The following GPR160 variants were observed in gnomAD, a reference collection of about 807,000 sequenced individuals.
The protein encoded by GPR160 is probable G protein-coupled receptor 160.
A neutral mutation model predicts 2.6 loss-of-function variants in GPR160; 2 were observed. The ratio of observed to expected loss-of-function variants is 0.77; its 90% CI spans 0.32 to 2.44. The LOEUF is 2.44. Ranked by LOEUF, GPR160 falls within the 30% of genes most tolerant of loss-of-function variation. The probability of loss-of-function intolerance (pLI) is 0.11; values close to 1 mark genes in which losing one functional copy is unlikely to be tolerated. For missense variants in GPR160, 351 were observed against 383.6 expected, an observed-to-expected ratio of 0.91 and a Z score of 0.71; for synonymous variants, 130 against 132.2, an observed-to-expected ratio of 0.98 and a Z score of 0.12.
chr3:170,055,639 C>CT (rs34774096), intron 2 of GPR160, among the ~76,000 whole-genome samples: 1,953 of 148,990 alleles, frequency 0.013, 18 homozygotes, highest in Middle Eastern at 0.028. Flanking sequence ...CTTTTAAAAA[C>CT]TTTTTTTTTT....
chr3:170,074,946 C>T lies in GPR160; in HGVS notation c.-192-4828C>T, dbSNP rs116503807. Among the ~76,000 whole-genome samples the T allele has an allele frequency of 2.9e-3, 438 of 152,046 alleles. 3 individuals are homozygous for T. The highest frequency in any genetic ancestry group is 0.01 in the African/African-American group (421 of 41,480). ...CAAATATAAGAATATCAGAAGAGGG[C>T]CGGGTGCAGTGGCTCACACCTGTAA... is the stretch of plus-strand genomic sequence containing the variant. On this transcript the variant is annotated intron_variant, in intron 2 of 3. Coordinates refer to ENST00000355897, the MANE Select transcript of GPR160 (RefSeq NM_014373.3).
intron 2 of GPR160, among the ~76,000 whole-genome samples, chr3:170,071,440 G>T (rs571543016): frequency 6.6e-6 from 1 of 152,286 alleles, no homozygotes; most frequent in Admixed American, 6.5e-5. Flanking sequence ...CTCACCAGAA[G>T]CCGAGCAGAT....
chr3:170,060,755 A>G (rs1711894752), intron 2 of GPR160, among the ~76,000 whole-genome samples: 1 of 152,192 alleles, frequency 6.6e-6, no homozygotes, highest in African/African-American at 2.4e-5. Context: ...TCAGCAACAC[A>G]GTGAGACCCT....
intron 2 of GPR160, among the ~76,000 whole-genome samples, chr3:170,045,439 A>AAC (rs1716674562): frequency 7.5e-6 from 1 of 133,292 alleles, no homozygotes; most frequent in African/African-American, 3.1e-5. Flanking sequence ...AAAAAAAAAA[A>AAC]AAAAAAAACC....
At chr3:170,040,586 C>T (rs890346440) in intron 2 of GPR160, among the ~76,000 whole-genome samples, 1 of 152,160 alleles carries the variant, frequency 6.6e-6, no homozygotes, top group African/African-American at 2.4e-5. Flanking sequence ...TGCCTCCGGT[C>T]GGGCGGATTG....
At chr3:170,053,956 TTTTG>T (rs1162360862) in intron 2 of GPR160, among the ~76,000 whole-genome samples, 2 of 152,024 alleles carry the variant, frequency 1.3e-5, no homozygotes, top group African/African-American at 4.8e-5. Flanking sequence ...CATTTTGGTT[TTTTG>T]TTTTTTTTTT....
chr3:170,076,304 CTG>C (rs1458289341), intron 2 of GPR160, among the ~76,000 whole-genome samples: 30 of 152,208 alleles, frequency 2.0e-4, no homozygotes, highest in African/African-American at 6.7e-4. Flanking sequence ...TTGAATATAA[CTG>C]TACTGTGCAA....
chr3:170,038,386 T>C lies in GPR160; in HGVS notation c.-322+171T>C, dbSNP rs1716289068. ...AACTCAGGGGCTGGGGGTTCTCTGC[T>C]ACTTAAGAGATCCAGGAGTGGAGCC... On this transcript the variant is annotated intron_variant, in intron 1 of 3. Coordinates refer to ENST00000355897, the MANE Select transcript of GPR160 (RefSeq NM_014373.3). This position sits in a 1 kb window ranked among gnomAD's most constrained non-coding sequence, Gnocchi z 5.3. The C allele has an allele frequency of 6.6e-6, 1 of 152,002 alleles. No homozygotes were observed. The highest frequency in any genetic ancestry group is 1.5e-5 in the Non-Finnish European group (1 of 68,018). 9.4% of individuals were successfully genotyped at this position (152,002 alleles called of 1,614,324 possible).
chr3:170,047,057 C>T (rs1253113792), intron 2 of GPR160, among the ~76,000 whole-genome samples: 4 of 152,174 alleles, frequency 2.6e-5, no homozygotes, highest in South Asian at 4.1e-4. Context: ...TCTCCCCTGT[C>T]GACAGCCCTT....
At chr3:170,061,167 C>T (rs1312325518) in intron 2 of GPR160, among the ~76,000 whole-genome samples, 21 of 151,510 alleles carry the variant, frequency 1.4e-4, no homozygotes, top group African/African-American at 5.1e-4. Flanking sequence ...CCCAGCTACT[C>T]GGGAGGCTGA....
At chr3:170,040,527 T>C (rs954151385) in intron 2 of GPR160, among the ~76,000 whole-genome samples, 6 of 152,178 alleles carry the variant, frequency 3.9e-5, no homozygotes, top group African/African-American at 1.4e-4. Flanking sequence ...AGGTGGAGGC[T>C]AGGTCAGCTT....
intron 2 of GPR160, among the ~76,000 whole-genome samples, chr3:170,058,796 ACCTTTATGT>A: frequency 6.6e-6 from 1 of 152,220 alleles, no homozygotes; most frequent in East Asian, 1.9e-4. Context: ...TTTGGAAACA[ACCTTTATGT>A]CCACTCATAG....
chr3:170,070,794 G>T (rs1180448193), intron 2 of GPR160, among the ~76,000 whole-genome samples: 2 of 152,132 alleles, frequency 1.3e-5, no homozygotes, highest in African/African-American at 4.8e-5. Context: ...ACTGTTCATT[G>T]GAAGTTATAA....
At chr3:170,070,695 G>C (rs1039307202) in intron 2 of GPR160, among the ~76,000 whole-genome samples, 1 of 152,046 alleles carries the variant, frequency 6.6e-6, no homozygotes, top group Non-Finnish European at 1.5e-5. Flanking sequence ...ATCACAATGA[G>C]GTTTTCTTAT....
chr3:170,052,327 C>T (rs1442023611), intron 2 of GPR160, among the ~76,000 whole-genome samples: 1 of 152,228 alleles, frequency 6.6e-6, no homozygotes, highest in Admixed American at 6.5e-5. Context: ...AGGGGATACA[C>T]CATTTTACAC....
chr3:170,072,883 T>C (rs1712672172), intron 2 of GPR160, among the ~76,000 whole-genome samples: 2 of 152,038 alleles, frequency 1.3e-5, no homozygotes, highest in Admixed American at 1.3e-4. Flanking sequence ...CCATTCAGTT[T>C]AAATTTACCA....
At chr3:170,070,114 C>G (rs1388976351) in intron 2 of GPR160, among the ~76,000 whole-genome samples, 1 of 152,158 alleles carries the variant, frequency 6.6e-6, no homozygotes, top group African/African-American at 2.4e-5. Flanking sequence ...TTCAGCCCAT[C>G]ATACCATAAT....
chr3:170,080,906 G>T (rs1348399094), intron 3 of GPR160, among the ~76,000 whole-genome samples: 1 of 152,078 alleles, frequency 6.6e-6, no homozygotes, highest in Non-Finnish European at 1.5e-5. Flanking sequence ...TCACCATGTT[G>T]CCCAGGCTGG....
At chr3:170,057,198 A>G (rs2108322297) in intron 2 of GPR160, 1 of 152,290 alleles carries the variant, frequency 6.6e-6, no homozygotes, top group South Asian at 2.1e-4. Context: ...CATTCTAGTT[A>G]CCTAGAATGT....
Sources: allele counts gnomAD v4.1 joint callset (sites outside exome capture counted in the v4.1 genomes callset), GRCh38; gene constraint gnomAD v4.1.1; non-coding constraint Gnocchi (gnomAD v3.1); transcripts MANE v1.5; gene names NCBI Gene and HGNC (gene_info 2026-07-23, HGNC 2026-07-21).